The following MYO18B variants were observed in gnomAD, a reference collection of about 807,000 sequenced individuals.
MYO18B encodes unconventional myosin-XVIIIb.
In MYO18B, 204 loss-of-function variants were observed where a neutral mutation model predicts 273.0. The ratio of observed to expected loss-of-function variants is 0.75; its 90% CI spans 0.67 to 0.84. MYO18B has a LOEUF of 0.84. MYO18B is among the 40% of genes least tolerant of loss of function. The probability of loss-of-function intolerance (pLI) is 0.00; values close to 1 mark genes in which losing one functional copy is unlikely to be tolerated. For synonymous variants in MYO18B, 1,330 were observed against 1,305.7 expected, an observed-to-expected ratio of 1.02 and a Z score of -0.40; for missense variants, 3,212 against 3,287.6, an observed-to-expected ratio of 0.98 and a Z score of 0.56.
intron 1 of MYO18B, among the ~76,000 whole-genome samples, chr22:25,745,460 TTCTC>T (rs1006991090): frequency 2.1e-4 from 28 of 131,504 alleles, no homozygotes; most frequent in African/African-American, 7.4e-4. Flanking sequence ...CAAGGTAGAT[TTCTC>T]TCTCTCTGAC....
At position 26,027,374 on chromosome 22, in the gene MYO18B, G is replaced by A. The variant is rs1181452122; in HGVS notation, c.7400G>A (p.Gly2467Asp). ...LAGSAKGGQDGSQRSSIHFET... is the reference protein window; with the variant it reads ...LAGSAKGGQDDSQRSSIHFET... ...GGATCAGCCAAAGGTGGGCAAGACG[G>A]TTCACAGCGTTCAAGCATCCACTTT... Residue 2467 changes from glycine to aspartate, a missense_variant, in exon 43 of 44, where the codon GGT becomes GAT. Transcript: ENST00000335473. The surrounding 1 kb of genome is among the most constrained non-coding windows in gnomAD (Gnocchi z 4.1). The A allele has an allele frequency of 1.2e-6, 2 of 1,613,874 alleles. No individual in the cohort carries two copies. Among genetic ancestry groups the A allele is most frequent in the Middle Eastern group, 1.6e-4 (1 of 6,084 alleles).
chr22:26,019,287 G>A (rs1935618812), intron 42 of MYO18B, among the ~76,000 whole-genome samples: 1 of 152,224 alleles, frequency 6.6e-6, no homozygotes, highest in African/African-American at 2.4e-5. Flanking sequence ...AAGGGCAGTA[G>A]AGCAGAGCAG....
Position 25,768,878 on chromosome 22 carries a change from TC to T in MYO18B, c.964del (p.Leu322TrpfsTer21). 6.2e-7 allele frequency: 1 copy of T among 1,613,154 alleles called. No homozygotes were observed. Reference protein sequence around the residue: ...PQIPGRKWGGFLGRRSKWDGP... With the variant: ...PQIPGRKWGGXLGRRSKWDGP... ...ATCCCTGGGAGAAAGTGGGGAGGTT[TC>T]CTGGGAAGAAGGAGTAAGTGGGACG... On this transcript the variant is annotated frameshift_variant, in exon 4 of 44. Coordinates refer to ENST00000335473, the MANE Select transcript of MYO18B (RefSeq NM_032608.7). LOFTEE classifies it high-confidence loss of function.
chr22:26,060,378 C>A, the MYO18B span, among the ~76,000 whole-genome samples: 1 of 152,202 alleles, frequency 6.6e-6, no homozygotes, highest in African/African-American at 2.4e-5. Context: ...GAGAAACCAC[C>A]TAACCTTGTG....
rs550982624 is a variant in MYO18B at position 25,906,224 on chromosome 22, C to T, written c.5149-2098C>T. On this transcript the variant is annotated intron_variant, in intron 31 of 43. Transcript: ENST00000335473. ...TTTTCCAGGGAATTTTATGTTAACT[C>T]GTATAAGTTTGACATAAATGGTATT... is the stretch of plus-strand genomic sequence containing the variant. 3.3e-5 allele frequency among the ~76,000 whole-genome samples: 5 copies of T among 152,172 alleles called. No individual in the cohort carries two copies. The East Asian group carries it at 5.8e-4, about 18-fold the overall frequency.
At chr22:25,821,479 T>G (rs1444713906) in intron 12 of MYO18B, among the ~76,000 whole-genome samples, 2 of 152,196 alleles carry the variant, frequency 1.3e-5, no homozygotes, top group African/African-American at 4.8e-5. Flanking sequence ...ATTATTTGTT[T>G]TAAGAAGTCA....
chr22:25,820,761 A>G (rs1249220748), intron 12 of MYO18B, among the ~76,000 whole-genome samples: 2 of 152,276 alleles, frequency 1.3e-5, no homozygotes, highest in African/African-American at 4.8e-5. Context: ...ATAGAACACT[A>G]GAACGTATTT....
chr22:25,869,572 TACTG>T (rs1475645392), intron 22 of MYO18B, among the ~76,000 whole-genome samples: 1 of 151,910 alleles, frequency 6.6e-6, no homozygotes, highest in Non-Finnish European at 1.5e-5. Flanking sequence ...CCTAGTTACT[TACTG>T]GTTGATGAAT....
At position 25,772,525 on chromosome 22, in the gene MYO18B, T is replaced by C. The variant is rs748430538; in HGVS notation, c.1869+15T>C. On this transcript the variant is annotated intron_variant, in intron 7 of 43. Transcript: ENST00000335473. ...CTGCAGGGAAGGTGAGGTGGGACCA[T>C]TGTGGGCAGGGCTGAGGGGCTGAGG... 3.7e-5 allele frequency: 60 copies of C among 1,611,332 alleles called. No individual in the cohort carries two copies. The highest frequency in any genetic ancestry group is 4.9e-5 in the Non-Finnish European group (58 of 1,178,862).
intron 15 of MYO18B, among the ~76,000 whole-genome samples, chr22:25,829,776 C>T (rs1313622487): frequency 3.3e-5 from 5 of 151,564 alleles, no homozygotes; most frequent in African/African-American, 4.8e-5. Flanking sequence ...AGGTGGAGGT[C>T]GTGGTGAGCT....
At chr22:25,837,377 T>C (rs1170232043) in intron 17 of MYO18B, among the ~76,000 whole-genome samples, 1 of 152,092 alleles carries the variant, frequency 6.6e-6, no homozygotes, top group Non-Finnish European at 1.5e-5. Flanking sequence ...GCCAGGAGAA[T>C]ATGACTCCCT....
intron 23 of MYO18B, among the ~76,000 whole-genome samples, chr22:25,875,384 G>C (rs760846283): frequency 6.6e-6 from 1 of 152,244 alleles, no homozygotes; most frequent in Non-Finnish European, 1.5e-5. Flanking sequence ...AGGTGTGTGA[G>C]ATGCTCAGGG....
At chr22:25,950,089 A>G (rs920063999) in intron 36 of MYO18B, among the ~76,000 whole-genome samples, 4 of 152,214 alleles carry the variant, frequency 2.6e-5, no homozygotes, top group African/African-American at 9.7e-5. Context: ...TGCCATGGCC[A>G]GCCCACTTCT....
intron 31 of MYO18B, among the ~76,000 whole-genome samples, chr22:25,908,033 C>CA (rs35715764): frequency 0.46 from 47,394 of 103,596 alleles, 10,231 homozygotes; most frequent in Middle Eastern, 0.58. Context: ...AACTCCATCT[C>CA]AAAAAAAAAA....
chr22:26,032,183 A>C (rs1276543587), downstream of MYO18B, among the ~76,000 whole-genome samples: 1 of 152,236 alleles, frequency 6.6e-6, no homozygotes, highest in Non-Finnish European at 1.5e-5. Context: ...CTAAACTCTA[A>C]TAAAACCTGG....
chr22:25,939,789 G>C (rs770539478), intron 34 of MYO18B, among the ~76,000 whole-genome samples: 52 of 152,176 alleles, frequency 3.4e-4, no homozygotes, highest in Non-Finnish European at 4.7e-4. Flanking sequence ...TAATGGCTCA[G>C]AGTGGGAACT....
chr22:25,891,805 G>A (rs2091669478), intron 27 of MYO18B, among the ~76,000 whole-genome samples: 1 of 152,102 alleles, frequency 6.6e-6, no homozygotes, highest in South Asian at 2.1e-4. Context: ...AGTGGGAGGA[G>A]TGCTTGAGCT....
Position 26,003,314 on chromosome 22 carries a change from G to A in MYO18B, c.6332+5G>A. The A allele has an allele frequency of 1.2e-6, 2 of 1,604,902 alleles. No individual in the cohort carries two copies. Among genetic ancestry groups the A allele is most frequent in the South Asian group, 1.1e-5 (1 of 89,014 alleles). ...CAGCAGCGGCCGAAAAGAGATGTAA[G>A]TTAACCCCAGGTAGAACTGAGCAGC... On this transcript the variant is annotated splice_donor_5th_base_variant and intron_variant, in intron 41 of 43. Coordinates refer to ENST00000335473, the MANE Select transcript of MYO18B (RefSeq NM_032608.7).
At chr22:25,826,383 A>C in intron 13 of MYO18B, 26 bp from the exon 14 acceptor site, 1 of 1,590,308 alleles carries the variant, frequency 6.3e-7, no homozygotes, top group Non-Finnish European at 8.6e-7. Flanking sequence ...CCTAACCAAG[A>C]ATGCTGATTC....
Sources: gnomAD v4.1 joint callset for allele counts (sites outside exome capture counted in the v4.1 genomes callset) on GRCh38, gnomAD v4.1.1 for gene constraint, Gnocchi (gnomAD v3.1) non-coding constraint, MANE v1.5 for transcripts, NCBI Gene and HGNC (gene_info 2026-07-23, HGNC 2026-07-21) for gene names.